The following NTM variants were observed in gnomAD, a reference collection of about 807,000 sequenced individuals.
NTM encodes neurotrimin.
In NTM, 13 loss-of-function variants were observed where a neutral mutation model predicts 42.1. That is an observed-to-expected ratio of 0.31 (90% confidence interval 0.20 to 0.49). The LOEUF is 0.49. NTM is among the 20% of genes least tolerant of loss of function. NTM has a pLI of 0.99. For missense variants in NTM, 373 were observed against 452.8 expected (o/e 0.82, Z 1.60); for synonymous variants, 187 against 179.2 (o/e 1.04, Z -0.35).
rs1329664708 is a variant in NTM at position 131,598,871 on chromosome 11, TCCTTCTTC to T, written c.82+227985_82+227992del. Among the ~76,000 whole-genome samples, 52 of 76,738 alleles carry T rather than the reference TCCTTCTTC, an allele frequency of 6.8e-4. 3 individuals are homozygous for T. The highest frequency in any genetic ancestry group is 2.7e-3 in the African/African-American group (50 of 18,826). The allele number at this position is 76,738 out of a possible 152,430, so 50.3% of individuals were successfully genotyped here. A position where few individuals can be genotyped will look rare whatever the true frequency, so the allele number is the denominator to read the frequency against. On this transcript the variant is annotated intron_variant, in intron 1 of 8. Coordinates refer to ENST00000683400, the MANE Select transcript of NTM (RefSeq NM_001352005.2). Reference sequence around the variant, plus strand: ...TTTCTTCCTTCCTTCCTTCCTTCCTTCCTTCTTCCTTCCTTCCTTCCTTCCTTCCTTCC... The same window carrying T: ...TTTCTTCCTTCCTTCCTTCCTTCCTTCTTCCTTCCTTCCTTCCTTCCTTCC...
At chr11:131,860,796 ACAT>A (rs1471751494) in intron 1 of NTM, among the ~76,000 whole-genome samples, 1 of 152,162 alleles carries the variant, frequency 6.6e-6, no homozygotes, top group Admixed American at 6.5e-5. Context: ...TGGTGGGGCT[ACAT>A]CATCTTTCTG....
chr11:132,098,744 C>A (rs1197578976), intron 2 of NTM, among the ~76,000 whole-genome samples: 1 of 152,344 alleles, frequency 6.6e-6, no homozygotes, highest in East Asian at 1.9e-4. Flanking sequence ...TATGTGAATT[C>A]CGTCAGGAGA....
chr11:132,268,487 T>A (rs1341527728), intron 4 of NTM, among the ~76,000 whole-genome samples: 2 of 152,288 alleles, frequency 1.3e-5, no homozygotes, highest in East Asian at 3.9e-4. Context: ...TTTTAGAAGT[T>A]TGGCATACAA....
intron 7 of NTM, among the ~76,000 whole-genome samples, chr11:132,320,999 G>A (rs546429745): frequency 1.3e-5 from 2 of 150,482 alleles, no homozygotes; most frequent in African/African-American, 5.0e-5. Context: ...CAAACAGAAA[G>A]GACATCCACA....
At chr11:131,844,304 G>A (rs1202709681) in intron 1 of NTM, among the ~76,000 whole-genome samples, 1 of 152,102 alleles carries the variant, frequency 6.6e-6, no homozygotes, top group Non-Finnish European at 1.5e-5. Flanking sequence ...GTGTGGTTCT[G>A]TATTCGGACT....
At chr11:131,982,042 G>C (rs1409268076) in intron 2 of NTM, among the ~76,000 whole-genome samples, 1 of 150,748 alleles carries the variant, frequency 6.6e-6, no homozygotes. Context: ...GAGAAAACAA[G>C]CAAACAAAAA....
intron 1 of NTM, among the ~76,000 whole-genome samples, chr11:131,392,191 C>T (rs1426156436): frequency 2.6e-5 from 4 of 152,206 alleles, no homozygotes; most frequent in African/African-American, 7.2e-5. Context: ...TTTCAATACG[C>T]ATTGACTCTG....
At chr11:131,868,829 C>G (rs2047480104) in intron 1 of NTM, among the ~76,000 whole-genome samples, 1 of 152,210 alleles carries the variant, frequency 6.6e-6, no homozygotes, top group African/African-American at 2.4e-5. Flanking sequence ...GGCACTTCCT[C>G]TTGACCCCTC....
At chr11:132,005,081 G>A (rs2070458211) in intron 2 of NTM, among the ~76,000 whole-genome samples, 1 of 152,148 alleles carries the variant, frequency 6.6e-6, no homozygotes, top group Non-Finnish European at 1.5e-5. Flanking sequence ...TAAAGGGGCA[G>A]AGGATGGCAC....
At chr11:131,656,803 G>T (rs1031502345) in intron 1 of NTM, among the ~76,000 whole-genome samples, 1 of 152,162 alleles carries the variant, frequency 6.6e-6, no homozygotes, top group Non-Finnish European at 1.5e-5. Context: ...GCTAGTCTAG[G>T]TCCAAGTTTG....
At chr11:132,311,979 T>C (rs79494687) in intron 6 of NTM, among the ~76,000 whole-genome samples, 1 of 41,856 alleles carries the variant, frequency 2.4e-5, no homozygotes, top group Non-Finnish European at 3.8e-5. Context: ...GTTTCTGTCT[T>C]TCTTTCAGTT....
rs892198134 is a variant in NTM at position 132,076,528 on chromosome 11, G to A, written c.168-69754G>A. 3.9e-5 allele frequency among the ~76,000 whole-genome samples: 6 copies of A among 152,090 alleles called. 1 individual carries two copies. The highest frequency in any genetic ancestry group is 3.9e-4 in the Admixed American group (6 of 15,268). On this transcript the variant is annotated intron_variant, in intron 2 of 8. Coordinates refer to ENST00000683400, the MANE Select transcript of NTM (RefSeq NM_001352005.2). ...GGAGCTAACATTCTCTTGGAGAGTG[G>A]GGAAATTTGAAAATCAAATCTAATA... is the stretch of plus-strand genomic sequence containing the variant.
intron 1 of NTM, among the ~76,000 whole-genome samples, chr11:131,693,330 T>A (rs1367846855): frequency 6.6e-6 from 1 of 152,236 alleles, no homozygotes; most frequent in African/African-American, 2.4e-5. Context: ...AACCTGACAC[T>A]GGAGCCAGAA....
intron 4 of NTM, among the ~76,000 whole-genome samples, chr11:132,237,117 G>T (rs889361727): frequency 2.0e-5 from 3 of 152,228 alleles, no homozygotes; most frequent in African/African-American, 7.2e-5. Context: ...GATGGCCATT[G>T]CTGGTGTAAG....
intron 1 of NTM, among the ~76,000 whole-genome samples, chr11:131,604,227 G>A (rs2060731495): frequency 6.6e-6 from 1 of 152,104 alleles, no homozygotes; most frequent in African/African-American, 2.4e-5. Flanking sequence ...TTCCTCGTGG[G>A]TGTGAAGTGG....
At chr11:131,672,445 C>T (rs1438578491) in intron 1 of NTM, among the ~76,000 whole-genome samples, 1 of 152,200 alleles carries the variant, frequency 6.6e-6, no homozygotes, top group Non-Finnish European at 1.5e-5. Flanking sequence ...TGTGGCTCTG[C>T]AGCTCCGAGG....
chr11:132,109,577 T>A (rs1440298248), intron 2 of NTM, among the ~76,000 whole-genome samples: 1 of 152,208 alleles, frequency 6.6e-6, no homozygotes, highest in Admixed American at 6.5e-5. Context: ...CCTTTCATAC[T>A]TAAAATCCAG....
At chr11:131,859,552 T>C (rs1008003903) in intron 1 of NTM, among the ~76,000 whole-genome samples, 1 of 152,214 alleles carries the variant, frequency 6.6e-6, no homozygotes, top group Non-Finnish European at 1.5e-5. Context: ...GAGACTTCAC[T>C]TGTGTTCTTG....
chr11:132,115,626 C>G (rs988975360), intron 2 of NTM, among the ~76,000 whole-genome samples: 5 of 152,184 alleles, frequency 3.3e-5, no homozygotes, highest in African/African-American at 1.2e-4. Context: ...TGGTGATGCT[C>G]TGTTCTACGC....
Sources: allele counts gnomAD v4.1 joint callset (sites outside exome capture counted in the v4.1 genomes callset), GRCh38; gene constraint gnomAD v4.1.1; transcripts MANE v1.5; gene names NCBI Gene and HGNC (gene_info 2026-07-23, HGNC 2026-07-21).